The following DGKH variants were observed in gnomAD, a reference collection of about 807,000 sequenced individuals.
DGKH encodes the protein DAG kinase eta.
Under a neutral mutation model 159.3 loss-of-function variants are expected in DGKH, and 90 were observed. The ratio of observed to expected loss-of-function variants is 0.57; its 90% CI spans 0.48 to 0.67. DGKH has a LOEUF of 0.67. Among genes scored for constraint, DGKH ranks in the 30% least tolerant of loss-of-function variants. The pLI is 0.00. For missense variants in DGKH, 1,181 were observed against 1,506.1 expected, an observed-to-expected ratio of 0.78 and a Z score of 3.57; for synonymous variants, 536 against 553.8, an observed-to-expected ratio of 0.97 and a Z score of 0.45.
chr13:42,211,181 A>G (rs1957649273), intron 24 of DGKH, among the ~76,000 whole-genome samples: 1 of 152,196 alleles, frequency 6.6e-6, no homozygotes, highest in Admixed American at 6.5e-5. Context: ...ACAAATAAAA[A>G]TCACTATGAC....
At chr13:42,181,582 G>GGCT in intron 13 of DGKH, 4 of 278,376 alleles carry the variant, frequency 1.4e-5, no homozygotes, top group South Asian at 1.2e-4. Flanking sequence ...ATACAAGCAA[G>GGCT]GCTGCTGCTG....
At chr13:42,165,504 G>T in intron 8 of DGKH, 71 bp downstream of exon 8, 3 of 799,330 alleles carry the variant, frequency 3.8e-6, no homozygotes, top group South Asian at 3.5e-5. Context: ...TCTTTTCCTA[G>T]AATAATAACT....
At chr13:42,114,949 G>A (rs1014959041) in intron 1 of DGKH, among the ~76,000 whole-genome samples, 1 of 152,132 alleles carries the variant, frequency 6.6e-6, no homozygotes, top group East Asian at 1.9e-4. Flanking sequence ...ATAGCATTTC[G>A]GAGTTTACAG....
At chr13:42,196,571 A>G (rs1957208235) in intron 17 of DGKH, among the ~76,000 whole-genome samples, 3 of 152,280 alleles carry the variant, frequency 2.0e-5, no homozygotes, top group African/African-American at 4.8e-5. Flanking sequence ...CAGAATAGTC[A>G]TAACGCATAG....
intron 1 of DGKH, among the ~76,000 whole-genome samples, chr13:42,109,917 A>C (rs765757857): frequency 6.6e-6 from 1 of 152,192 alleles, no homozygotes; most frequent in Non-Finnish European, 1.5e-5. Flanking sequence ...ATTGGAGTGG[A>C]GTTTATGATA....
In DGKH at chr13:42,142,327, C is replaced by T. The variant is rs1039318346; in HGVS notation, c.384+12695C>T. 8.6e-5 allele frequency among the ~76,000 whole-genome samples: 13 copies of T among 151,994 alleles called. No individual in the cohort carries two copies. In the East Asian group the frequency reaches 1.2e-3, roughly 14 times the overall value. On this transcript the variant is annotated intron_variant, in intron 3 of 29. Coordinates refer to ENST00000337343, the MANE Select transcript of DGKH (RefSeq NM_178009.5). Reference sequence around the variant, plus strand: ...TGTAGTATAGTTTGAAGTCAGGTAGCGTGATGCCTCCAGCTTTGTTCTTTT... The same window carrying T: ...TGTAGTATAGTTTGAAGTCAGGTAGTGTGATGCCTCCAGCTTTGTTCTTTT...
chr13:42,223,053 T>A (rs9594712), intron 29 of DGKH, among the ~76,000 whole-genome samples: 20,120 of 152,250 alleles, frequency 0.13, 1,697 homozygotes, highest in Admixed American at 0.23. Context: ...CTTAAAACTT[T>A]TAGACATTTG....
In DGKH at chr13:42,232,401, C is replaced by G. The variant is rs1958319713; in HGVS notation, c.*3213C>G. 6.6e-6 allele frequency: 1 copy of G among 152,208 alleles called. No homozygotes were observed. Among genetic ancestry groups the G allele is most frequent in the Non-Finnish European group, 1.5e-5 (1 of 68,038 alleles). The allele number at this position is 152,208 out of a possible 1,614,324, so 9.4% of individuals were successfully genotyped here. On this transcript the variant is annotated 3_prime_UTR_variant, in exon 30 of 30. Coordinates refer to ENST00000337343, the MANE Select transcript of DGKH (RefSeq NM_178009.5). ...TTTTAAAGGAGGAAAGGGACAGAATCAGACCTAAATAAAATTCCTGAGTAT... is the reference window on the plus strand; with the variant it reads ...TTTTAAAGGAGGAAAGGGACAGAATGAGACCTAAATAAAATTCCTGAGTAT...
chr13:42,153,509 A>G (rs1330150879), intron 3 of DGKH, among the ~76,000 whole-genome samples: 1 of 152,244 alleles, frequency 6.6e-6, no homozygotes, highest in East Asian at 1.9e-4. Context: ...TAAGGTAGCA[A>G]AAAATAAATA....
At chr13:42,108,037 A>G (rs1397061808) in intron 1 of DGKH, among the ~76,000 whole-genome samples, 1 of 152,130 alleles carries the variant, frequency 6.6e-6, no homozygotes, top group Non-Finnish European at 1.5e-5. Context: ...ACGAGTCCTT[A>G]AAAGAAGAGT....
chr13:42,254,723 G>A (rs1958644897), intron 30 of DGKH, among the ~76,000 whole-genome samples: 2 of 151,810 alleles, frequency 1.3e-5, no homozygotes, highest in Admixed American at 1.3e-4. Flanking sequence ...CTAAATTGAA[G>A]GCAGTATATA....
At chr13:42,141,198 C>T (rs1448075218) in intron 3 of DGKH, among the ~76,000 whole-genome samples, 1 of 151,370 alleles carries the variant, frequency 6.6e-6, no homozygotes, top group Non-Finnish European at 1.5e-5. Flanking sequence ...TCATGGTTTC[C>T]AGCTTCATCC....
rs550778032 is a variant in DGKH at position 42,241,797 on chromosome 13, C to G, written c.*12609C>G. On this transcript the variant is annotated 3_prime_UTR_variant, in exon 30 of 30. Transcript: ENST00000337343. ...AAGCATATAGTAAATATTACTAGTA[C>G]TTGTGTGCCATGAGGCACTAATACA... 6.6e-6 allele frequency: 1 copy of G among 152,148 alleles called. No individual in the cohort carries two copies. The highest frequency in any genetic ancestry group is 1.5e-5 in the Non-Finnish European group (1 of 68,006). The allele number at this position is 152,148 out of a possible 1,614,324, so 9.4% of individuals were successfully genotyped here.
chr13:42,052,765 G>T (rs10467476), intron 1 of DGKH, among the ~76,000 whole-genome samples: 2,350 of 152,240 alleles, frequency 0.015, 65 homozygotes, highest in African/African-American at 0.053. Context: ...GAAGAAACTT[G>T]GTCAGGCTTA....
chr13:42,173,954 TGTGTGCGTGC>T (rs1432799017), intron 11 of DGKH, 96 bp from the exon 12 acceptor site: 8 of 658,150 alleles, frequency 1.2e-5, no homozygotes, highest in Non-Finnish European at 2.6e-6. Context: ...TGTGTGTGTG[TGTGTGCGTGC>T]GTGTGTGTGT....
chr13:42,050,520 A>G (rs1273856217), intron 1 of DGKH, among the ~76,000 whole-genome samples: 1 of 152,198 alleles, frequency 6.6e-6, no homozygotes, highest in East Asian at 1.9e-4. Flanking sequence ...TCCTTTTAAT[A>G]GTGACGTTTT....
chr13:42,177,262 C>CT (rs11429954), intron 12 of DGKH, among the ~76,000 whole-genome samples: 51,389 of 151,886 alleles, frequency 0.34, 10,108 homozygotes, highest in Admixed American at 0.51. Flanking sequence ...CTGTTTTGTA[C>CT]TTATAAAATA....
intron 23 of DGKH, 135 bp downstream of exon 23, chr13:42,209,600 G>GTTCATATTTCA: frequency 9.5e-7 from 1 of 1,058,098 alleles, no homozygotes; most frequent in Non-Finnish European, 1.3e-6. Flanking sequence ...TTTGAAATAT[G>GTTCATATTTCA]AACAAATATT....
chr13:42,214,593 C>T lies in DGKH; in HGVS notation c.3101C>T (p.Ala1034Val). The change falls in exon 25 of 30, where the codon GCC (alanine) becomes GTC (valine). Residue 1034 changes from alanine to valine, a missense_variant. By Grantham distance (64) the Ala-to-Val change is moderately conservative. Around this residue, in one of 5 missense-constraint regions of DGKH, gnomAD observed 335 missense variants for 495.2 expected, o/e 0.68. Coordinates refer to ENST00000337343, the MANE Select transcript of DGKH (RefSeq NM_178009.5). ...VNACSHALNK[A>V]NPRCPESLTR... Reference sequence around the variant, plus strand: ...GCCTGCTCCCATGCCCTGAATAAAGCCAACCCAAGGTGCCCGGAGGTGAGG... The same window carrying T: ...GCCTGCTCCCATGCCCTGAATAAAGTCAACCCAAGGTGCCCGGAGGTGAGG... 1 of 1,613,560 alleles carries T rather than the reference C, an allele frequency of 6.2e-7. No individual in the cohort carries two copies. The highest frequency in any genetic ancestry group is 2.2e-5 in the East Asian group (1 of 44,868).
Sources: gnomAD v4.1 joint callset for allele counts (sites outside exome capture counted in the v4.1 genomes callset) on GRCh38, gnomAD v4.1.1 for gene constraint, gnomAD v4.1.1 regional missense constraint, MANE v1.5 for transcripts, NCBI Gene and HGNC (gene_info 2026-07-23, HGNC 2026-07-21) for gene names.